Variants in NRXN1 observed in about 807,000 individuals in gnomAD.
NRXN1 encodes neurexin-1.
A neutral mutation model predicts 150.9 loss-of-function variants in NRXN1; 39 were observed. The ratio of observed to expected loss-of-function variants is 0.26; its 90% confidence interval spans 0.20 to 0.34. NRXN1 has a LOEUF of 0.34. Ranked by LOEUF, NRXN1 falls within the 10% of genes least tolerant of loss-of-function variation. The pLI is 1.00. For missense variants in NRXN1, 1,815 were observed against 1,949.9 expected (o/e 0.93, Z 1.30); for synonymous variants, 924 against 757.0 (o/e 1.22, Z -3.62).
intron 5 of NRXN1, among the ~76,000 whole-genome samples, chr2:50,888,243 G>C (rs1231737195): frequency 6.6e-6 from 1 of 151,522 alleles, no homozygotes; most frequent in Non-Finnish European, 1.5e-5. Context: ...AAAACCTTTG[G>C]AAATTATAAA....
intron 17 of NRXN1, among the ~76,000 whole-genome samples, chr2:50,329,659 A>T (rs867717221): frequency 0.011 from 237 of 22,116 alleles, 13 homozygotes; most frequent in African/African-American, 0.042. Context: ...ATATATATAT[A>T]TATATATATA....
chr2:50,697,054 T>C (rs898820265), intron 5 of NRXN1, among the ~76,000 whole-genome samples: 1 of 152,104 alleles, frequency 6.6e-6, no homozygotes, highest in African/African-American at 2.4e-5. Context: ...AACGTCCTAC[T>C]GTACCAGCAA....
chr2:50,476,603 T>C (rs2090009182), intron 15 of NRXN1, among the ~76,000 whole-genome samples: 1 of 152,120 alleles, frequency 6.6e-6, no homozygotes, highest in Admixed American at 6.6e-5. Flanking sequence ...TGTACCTCAA[T>C]CTATGCTGAT....
chr2:50,384,667 G>GA (rs1360462457), intron 17 of NRXN1, among the ~76,000 whole-genome samples: 3 of 152,118 alleles, frequency 2.0e-5, no homozygotes, highest in Non-Finnish European at 4.4e-5. Flanking sequence ...TTCAGACTTG[G>GA]AAACTCCACT....
At chr2:50,527,789 C>A (rs895277122) in intron 12 of NRXN1, among the ~76,000 whole-genome samples, 5 of 152,088 alleles carry the variant, frequency 3.3e-5, no homozygotes, top group African/African-American at 7.2e-5. Flanking sequence ...GAAAAAAATT[C>A]TTTACTGTGA....
chr2:50,130,820 T>C (rs1705356136), intron 18 of NRXN1, among the ~76,000 whole-genome samples: 1 of 152,224 alleles, frequency 6.6e-6, no homozygotes, highest in South Asian at 2.1e-4. Context: ...CTGCTTCATA[T>C]ATCCTCCAGG....
chr2:50,224,693 AAGAGAGAGAGAGAGAG>A (rs201700032), intron 18 of NRXN1, among the ~76,000 whole-genome samples: 50 of 130,502 alleles, frequency 3.8e-4, no homozygotes, highest in South Asian at 1.6e-3. Context: ...GAGAGGGAGA[AAGAGAGAGAGAGAGAG>A]AGAGAGAGAG....
intron 5 of NRXN1, among the ~76,000 whole-genome samples, chr2:50,671,962 A>T (rs1225792081): frequency 6.6e-6 from 1 of 151,846 alleles, no homozygotes; most frequent in Non-Finnish European, 1.5e-5. Context: ...ATTTTATTTG[A>T]TCTTTATTAG....
chr2:50,433,746 G>A (rs1261522162), intron 17 of NRXN1, among the ~76,000 whole-genome samples: 1 of 148,642 alleles, frequency 6.7e-6, no homozygotes, highest in African/African-American at 2.5e-5. Context: ...GGAAGGGAGG[G>A]AAGGAGGGGA....
intron 5 of NRXN1, among the ~76,000 whole-genome samples, chr2:50,911,287 G>T (rs1393853636): frequency 6.6e-6 from 1 of 151,792 alleles, no homozygotes; most frequent in Non-Finnish European, 1.5e-5. Context: ...ACAATCTCGT[G>T]TTCTTGTCCC....
At chr2:50,555,721 T>C (rs13386583) in intron 8 of NRXN1, among the ~76,000 whole-genome samples, 42,303 of 152,032 alleles carry the variant, frequency 0.28, 6,729 homozygotes, top group African/African-American at 0.43. Context: ...TTTAGACCTA[T>C]AATTAAAATA....
At chr2:50,413,826 T>C (rs2083354242) in intron 17 of NRXN1, among the ~76,000 whole-genome samples, 1 of 152,170 alleles carries the variant, frequency 6.6e-6, no homozygotes, top group Admixed American at 6.5e-5. Flanking sequence ...GTGTTACATA[T>C]ACATAATGGA....
chr2:50,251,347 C>A (rs2067054884), intron 17 of NRXN1, among the ~76,000 whole-genome samples: 1 of 140,394 alleles, frequency 7.1e-6, no homozygotes, highest in Non-Finnish European at 1.6e-5. Context: ...CATGTCTCTG[C>A]AGAAGACACG....
intron 17 of NRXN1, among the ~76,000 whole-genome samples, chr2:50,387,544 T>C (rs886518123): frequency 2.6e-5 from 4 of 152,168 alleles, no homozygotes; most frequent in Non-Finnish European, 4.4e-5. Flanking sequence ...TTTTAACCTT[T>C]ACATTTTTTA....
At chr2:50,604,269 T>G (rs1282509152) in intron 8 of NRXN1, among the ~76,000 whole-genome samples, 1 of 152,212 alleles carries the variant, frequency 6.6e-6, no homozygotes, top group Non-Finnish European at 1.5e-5. Flanking sequence ...CTGTATCACC[T>G]TATATTTCTG....
At chr2:50,088,897 A>T (rs72874678) in intron 19 of NRXN1, among the ~76,000 whole-genome samples, 3,100 of 152,306 alleles carry the variant, frequency 0.02, 89 homozygotes, top group African/African-American at 0.071. Context: ...TGCACAGTCA[A>T]ATAAAATATA....
At chr2:50,289,374 G>T (rs1044588594) in intron 17 of NRXN1, among the ~76,000 whole-genome samples, 1 of 152,062 alleles carries the variant, frequency 6.6e-6, no homozygotes, top group African/African-American at 2.4e-5. Flanking sequence ...TAATGGTGAA[G>T]TTCCCCTCTA....
intron 5 of NRXN1, among the ~76,000 whole-genome samples, chr2:50,813,389 T>C (rs1307857414): frequency 6.6e-6 from 1 of 152,210 alleles, no homozygotes; most frequent in Admixed American, 6.5e-5. Flanking sequence ...TATAGCTTTA[T>C]CTTTTCAATC....
intron 18 of NRXN1, among the ~76,000 whole-genome samples, chr2:50,206,228 T>TACACACAC (rs66795755): frequency 3.8e-5 from 4 of 106,292 alleles, no homozygotes; most frequent in African/African-American, 8.9e-5. Context: ...TACACACAAA[T>TACACACAC]ACACACACAC....
Sources: allele counts gnomAD v4.1 joint callset (sites outside exome capture counted in the v4.1 genomes callset), GRCh38; gene constraint gnomAD v4.1.1; transcripts MANE v1.5; gene names NCBI Gene and HGNC (gene_info 2026-07-23, HGNC 2026-07-21).